Variants in DMGDH observed in about 807,000 individuals in gnomAD.
DMGDH encodes dimethylglycine dehydrogenase, mitochondrial.
Under a neutral mutation model 95.2 loss-of-function variants are expected in DMGDH, and 76 were observed. The ratio of observed to expected loss-of-function variants is 0.80; its 90% CI spans 0.66 to 0.97. The LOEUF is 0.97. DMGDH is among the 50% of genes least tolerant of loss of function. The pLI is 0.00. For synonymous variants in DMGDH, 345 were observed against 377.6 expected (o/e 0.91, Z 1.00); for missense variants, 987 against 1,055.0 (o/e 0.94, Z 0.89).
At chr5:79,048,322 G>T (rs1754738973) in intron 5 of DMGDH, among the ~76,000 whole-genome samples, 1 of 152,120 alleles carries the variant, frequency 6.6e-6, no homozygotes. Flanking sequence ...GCCACAGAGT[G>T]CCACTGCCAT....
rs1417666154 is a variant in DMGDH, at chr5:79,024,265, A to G, written c.2250+6T>C. ...ACTTCAAGCACACTTTGGAATGTAA[A>G]CATACCTTATTTAACTTCACAAAAT... On this transcript the variant is annotated splice_donor_region_variant and intron_variant, in intron 14 of 15. Coordinates refer to ENST00000255189, the MANE Select transcript of DMGDH (RefSeq NM_013391.3). The G allele has an allele frequency of 6.2e-7, 1 of 1,612,080 alleles. No homozygotes were observed. Among genetic ancestry groups the G allele is most frequent in the South Asian group, 1.1e-5 (1 of 91,044 alleles).
At chr5:79,065,245 G>A (rs1255067757) in intron 1 of DMGDH, among the ~76,000 whole-genome samples, 24 of 139,128 alleles carry the variant, frequency 1.7e-4, no homozygotes, top group Non-Finnish European at 2.3e-4. Flanking sequence ...TTGAGACAGC[G>A]TCTCACTCTG....
chr5:79,018,536 A>G (rs1298611918), intron 14 of DMGDH, among the ~76,000 whole-genome samples: 1 of 152,048 alleles, frequency 6.6e-6, no homozygotes, highest in Non-Finnish European at 1.5e-5. Context: ...GGTGGCGGGT[A>G]GGGATCACAA....
Position 79,026,410 on chromosome 5 carries a change from C to T in DMGDH, c.2190+14G>A, listed in dbSNP as rs762430693. On this transcript the variant is annotated intron_variant, in intron 13 of 15. Coordinates refer to ENST00000255189, the MANE Select transcript of DMGDH (RefSeq NM_013391.3). Reference sequence around the variant, plus strand: ...TAAACATAAAATGTTAATAAAGATGCTAGCATTTCAAACCTCTAACCCCCA... The same window carrying T: ...TAAACATAAAATGTTAATAAAGATGTTAGCATTTCAAACCTCTAACCCCCA... The T allele has an allele frequency of 6.8e-6, 11 of 1,613,908 alleles. No homozygotes were observed. Among genetic ancestry groups the T allele is most frequent in the Admixed American group, 1.7e-5 (1 of 60,002 alleles).
intron 14 of DMGDH, 146 bp from the exon 15 acceptor site, chr5:79,005,553 A>G (rs890993011): frequency 3.4e-6 from 4 of 1,166,042 alleles, no homozygotes; most frequent in Non-Finnish European, 4.9e-6. Context: ...GTCTAGACAA[A>G]TATTTCTTAG....
intron 1 of DMGDH, among the ~76,000 whole-genome samples, chr5:79,064,236 C>T (rs1700967174): frequency 6.6e-6 from 1 of 151,942 alleles, no homozygotes. Context: ...GCCTATAGTC[C>T]CAGCTACTTG....
At chr5:79,054,996 G>A (rs1346357019) in intron 3 of DMGDH, among the ~76,000 whole-genome samples, 4 of 152,178 alleles carry the variant, frequency 2.6e-5, no homozygotes, top group Admixed American at 2.6e-4. Flanking sequence ...GACTTGCCTA[G>A]CAGGCAGGAA....
chr5:79,031,027 C>T (rs1383373649), intron 9 of DMGDH, 29 bp from the exon 10 acceptor site: 1 of 1,613,712 alleles, frequency 6.2e-7, no homozygotes, highest in Non-Finnish European at 8.5e-7. Context: ...TGTCATAAAA[C>T]AACTCCCGTT....
chr5:79,018,081 T>C (rs188056502), intron 14 of DMGDH, among the ~76,000 whole-genome samples: 153 of 152,342 alleles, frequency 1.0e-3, no homozygotes, highest in African/African-American at 3.5e-3. Context: ...AGAGCCTTGC[T>C]CAGTTGCCCT....
intron 5 of DMGDH, among the ~76,000 whole-genome samples, chr5:79,050,322 G>C (rs1754819781): frequency 1.5e-5 from 2 of 135,814 alleles, no homozygotes; most frequent in South Asian, 4.8e-4. Flanking sequence ...TTACAATACA[G>C]AGGAAAGAAT....
chr5:79,034,880 AC>A (rs1172124909), intron 7 of DMGDH, among the ~76,000 whole-genome samples: 19 of 151,576 alleles, frequency 1.3e-4, no homozygotes, highest in African/African-American at 3.9e-4. Flanking sequence ...ACACGGTGAA[AC>A]CCCGTTTCTA....
intron 12 of DMGDH, 138 bp downstream of exon 12, chr5:79,028,295 G>A (rs999154973): frequency 1.6e-5 from 12 of 744,828 alleles, no homozygotes; most frequent in African/African-American, 1.6e-4. Context: ...AAGTCGCATG[G>A]ACAAAAGTGA....
intron 14 of DMGDH, among the ~76,000 whole-genome samples, chr5:79,008,597 A>G (rs1753589281): frequency 6.6e-6 from 1 of 152,056 alleles, no homozygotes; most frequent in African/African-American, 2.4e-5. Context: ...GCTGGATGAG[A>G]GCTATTGGGG....
chr5:79,004,197 T>G (rs1753504574), intron 15 of DMGDH, among the ~76,000 whole-genome samples: 1 of 152,118 alleles, frequency 6.6e-6, no homozygotes, highest in Admixed American at 6.5e-5. Context: ...CATATATATC[T>G]GACAGGTGTG....
chr5:79,062,909 C>T (rs1235500620), intron 2 of DMGDH, among the ~76,000 whole-genome samples: 4 of 151,930 alleles, frequency 2.6e-5, no homozygotes, highest in South Asian at 2.1e-4. Flanking sequence ...CTGACCAACA[C>T]GGTGAAACCC....
chr5:79,059,049 C>A (rs1280217860), intron 2 of DMGDH, among the ~76,000 whole-genome samples: 1 of 152,200 alleles, frequency 6.6e-6, no homozygotes, highest in African/African-American at 2.4e-5. Context: ...ACGTGTATTT[C>A]TTTCCTTACA....
At chr5:79,027,689 AAAG>A (rs1315955414) in intron 12 of DMGDH, among the ~76,000 whole-genome samples, 5 of 152,258 alleles carry the variant, frequency 3.3e-5, no homozygotes, top group Admixed American at 3.3e-4. Context: ...GTCTGGAAGG[AAAG>A]AAGGATTGTT....
At position 79,032,743 on chromosome 5, in the gene DMGDH, A is replaced by G. The variant is rs750647748; in HGVS notation, c.1461T>C (p.His487=). ...RLESKCSMGF[H]AGWEQPHWFY... ...ACCAGTGCGGCTGCTCCCAGCCAGC[A>G]TGGAACCCCATGGAACACTTAGACT... The change falls in exon 9 of 16, where the codon CAT becomes CAC. Residue 487 remains histidine, a synonymous_variant. Transcript: ENST00000255189. 1.9e-6 allele frequency: 3 copies of G among 1,614,048 alleles called. No individual in the cohort carries two copies. Among genetic ancestry groups the G allele is most frequent in the Non-Finnish European group, 2.5e-6 (3 of 1,180,032 alleles).
At chr5:79,051,184 C>G (rs773936858) in intron 5 of DMGDH, 103 bp downstream of exon 5, 164 of 1,267,312 alleles carry the variant, frequency 1.3e-4, no homozygotes, top group Non-Finnish European at 1.8e-4. Context: ...TTGGGAGCAT[C>G]ACAGTGCTTC....
Sources: gnomAD v4.1 joint callset for allele counts (sites outside exome capture counted in the v4.1 genomes callset) on GRCh38, gnomAD v4.1.1 for gene constraint, MANE v1.5 for transcripts, NCBI Gene and HGNC (gene_info 2026-07-23, HGNC 2026-07-21) for gene names.